PHLPP1: variants seen among roughly 807,000 people sequenced by gnomAD.
The protein encoded by PHLPP1 is PH domain leucine-rich repeat-containing protein phosphatase 1.
In PHLPP1, 42 loss-of-function variants were observed where a neutral mutation model predicts 117.2. The observed-to-expected ratio is 0.36, with a 90% confidence interval of 0.28 to 0.46. The LOEUF (loss-of-function observed/expected upper bound fraction) is 0.46. PHLPP1 is among the 20% of genes least tolerant of loss of function. The pLI, the probability that PHLPP1 is intolerant of heterozygous loss-of-function variation, is 1.00. For synonymous variants in PHLPP1, 1,042 were observed against 970.7 expected (o/e 1.07, Z -1.37); for missense variants, 2,084 against 2,241.9 (o/e 0.93, Z 1.42).
chr18:62,936,460 T>G (rs1471175152), intron 10 of PHLPP1, among the ~76,000 whole-genome samples: 1 of 152,212 alleles, frequency 6.6e-6, no homozygotes, highest in Non-Finnish European at 1.5e-5. Context: ...GGCAAAAGTA[T>G]GAGAAACAGA....
chr18:62,717,928 T>G (rs893841019), intron 1 of PHLPP1, among the ~76,000 whole-genome samples: 4 of 152,270 alleles, frequency 2.6e-5, no homozygotes, highest in African/African-American at 4.8e-5. Flanking sequence ...TTCTCTCATT[T>G]TCTTCCAGCC....
At chr18:62,855,616 T>C (rs1475790168) in intron 3 of PHLPP1, among the ~76,000 whole-genome samples, 1 of 152,212 alleles carries the variant, frequency 6.6e-6, no homozygotes, top group Non-Finnish European at 1.5e-5. Context: ...ACATTCCTAG[T>C]TCTACATAGC....
At position 62,979,111 on chromosome 18, in the gene PHLPP1, T is replaced by G. The variant is rs775312104; in HGVS notation, c.4834T>G (p.Phe1612Val). Reference protein sequence around the residue: ...DEPGLPRKADFSAVGTIGRRR... With the variant: ...DEPGLPRKADVSAVGTIGRRR... ...GCCAGGTCTGCCCAGGAAGGCAGAC[T>G]TCTCTGCCGTTGGGACCATTGGGCG... The change falls in exon 17 of 17, where the codon TTC becomes GTC. Residue 1612 changes from phenylalanine to valine, a missense_variant. Phe to Val is a conservative substitution (Grantham distance 50, BLOSUM62 -1). Transcript: ENST00000262719. 2 of 1,613,750 alleles carry G rather than the reference T, an allele frequency of 1.2e-6. No homozygotes were observed. Among genetic ancestry groups the G allele is most frequent in the Non-Finnish European group, 8.5e-7 (1 of 1,179,788 alleles).
chr18:62,775,464 C>T (rs879906030), intron 1 of PHLPP1, among the ~76,000 whole-genome samples: 7 of 152,170 alleles, frequency 4.6e-5, no homozygotes, highest in Non-Finnish European at 7.3e-5. Flanking sequence ...CCTAGCCATT[C>T]TTATTACTTT....
At chr18:62,823,668 AG>A (rs1453977189) in intron 1 of PHLPP1, among the ~76,000 whole-genome samples, 1 of 151,460 alleles carries the variant, frequency 6.6e-6, no homozygotes, top group African/African-American at 2.4e-5. Flanking sequence ...ATTTATGTTA[AG>A]AATATGTAAA....
At chr18:62,814,754 A>G (rs896409993) in intron 1 of PHLPP1, among the ~76,000 whole-genome samples, 1 of 152,144 alleles carries the variant, frequency 6.6e-6, no homozygotes, top group Non-Finnish European at 1.5e-5. Flanking sequence ...TGATTGCTTA[A>G]TGTGTTGTTC....
intron 13 of PHLPP1, among the ~76,000 whole-genome samples, chr18:62,961,752 A>AT (rs1402301488): frequency 6.6e-6 from 1 of 152,210 alleles, no homozygotes; most frequent in Non-Finnish European, 1.5e-5. Flanking sequence ...CTCCAGCCTT[A>AT]TTGTAAAACA....
chr18:62,716,452 G>GCCT lies in PHLPP1; in HGVS notation c.771_772insTCC (p.Ala257_Arg258insSer). Reference sequence around the variant, plus strand: ...GGGCCAGGGGCCCGGAGCCGCCGCCGCCCGGGAGCCCGCTGAACCGCCCCC... The same window carrying GCCT: ...GGGCCAGGGGCCCGGAGCCGCCGCCGCCTCCCGGGAGCCCGCTGAACCGCCCCC... On this transcript the variant is annotated inframe_insertion, in exon 1 of 17. Coordinates refer to ENST00000262719, the MANE Select transcript of PHLPP1 (RefSeq NM_194449.4). The surrounding 1 kb of genome is among the most constrained non-coding windows in gnomAD (Gnocchi z 5.7). The GCCT allele has an allele frequency of 7.7e-7, 1 of 1,299,136 alleles. No individual in the cohort carries two copies. The highest frequency in any genetic ancestry group is 3.1e-5 in the East Asian group (1 of 31,964). 80.5% of individuals were successfully genotyped at this position (1,299,136 alleles called of 1,614,324 possible).
At chr18:62,870,921 A>G (rs1915886039) in intron 4 of PHLPP1, among the ~76,000 whole-genome samples, 1 of 152,218 alleles carries the variant, frequency 6.6e-6, no homozygotes, top group Non-Finnish European at 1.5e-5. Context: ...TTCAAAATAT[A>G]GAGGAGAGGC....
At chr18:62,722,766 A>ATC (rs1471090729) in intron 1 of PHLPP1, among the ~76,000 whole-genome samples, 1 of 152,244 alleles carries the variant, frequency 6.6e-6, no homozygotes, top group Non-Finnish European at 1.5e-5. Flanking sequence ...CCAGAAACTT[A>ATC]TGATAAATTG....
intron 2 of PHLPP1, among the ~76,000 whole-genome samples, chr18:62,833,642 A>C (rs756946985): frequency 1.8e-4 from 27 of 152,160 alleles, no homozygotes; most frequent in Non-Finnish European, 4.0e-4. Context: ...AAAAGTGATA[A>C]ATTGCTGTGG....
intron 1 of PHLPP1, among the ~76,000 whole-genome samples, chr18:62,721,685 G>A (rs1910924842): frequency 6.6e-6 from 1 of 152,076 alleles, no homozygotes; most frequent in African/African-American, 2.4e-5. Context: ...AAATTCGTGT[G>A]TCTTTTGTAC....
intron 14 of PHLPP1, among the ~76,000 whole-genome samples, chr18:62,970,678 C>T (rs1911025559): frequency 6.6e-6 from 1 of 152,004 alleles, no homozygotes; most frequent in Admixed American, 6.6e-5. Flanking sequence ...GGGAGGAGAA[C>T]CACTTGAACC....
chr18:62,749,688 C>G (rs1009170024), intron 1 of PHLPP1, among the ~76,000 whole-genome samples: 3 of 152,178 alleles, frequency 2.0e-5, no homozygotes, highest in African/African-American at 7.2e-5. Context: ...CTGCACATCT[C>G]TGGTGTCTCT....
intron 4 of PHLPP1, among the ~76,000 whole-genome samples, chr18:62,863,436 C>T (rs894034866): frequency 6.6e-5 from 10 of 152,252 alleles, no homozygotes; most frequent in Non-Finnish European, 1.2e-4. Flanking sequence ...CTCTTGGACT[C>T]AAGTGATCCA....
intron 1 of PHLPP1, among the ~76,000 whole-genome samples, chr18:62,794,195 GA>G (rs772419270): frequency 6.6e-6 from 1 of 151,606 alleles, no homozygotes; most frequent in African/African-American, 2.4e-5. Context: ...TATCCCCCCC[GA>G]AAAAAGTGAT....
At chr18:62,878,318 A>G (rs560740446) in intron 4 of PHLPP1, among the ~76,000 whole-genome samples, 1 of 152,322 alleles carries the variant, frequency 6.6e-6, no homozygotes, top group Non-Finnish European at 1.5e-5. Flanking sequence ...GACTTCTGAA[A>G]TAATTCTTTG....
intron 1 of PHLPP1, among the ~76,000 whole-genome samples, chr18:62,762,131 A>ATCCTGTT (rs1259443238): frequency 6.6e-6 from 1 of 151,936 alleles, no homozygotes; most frequent in African/African-American, 2.4e-5. Flanking sequence ...GCTAAATAGA[A>ATCCTGTT]TCCTGTTTTT....
At chr18:62,778,200 C>T (rs528590791) in intron 1 of PHLPP1, among the ~76,000 whole-genome samples, 2 of 151,986 alleles carry the variant, frequency 1.3e-5, no homozygotes, top group African/African-American at 2.4e-5. Context: ...GATATTCTTC[C>T]CAGCACCTCC....
Sources: gnomAD v4.1 joint callset for allele counts (sites outside exome capture counted in the v4.1 genomes callset) on GRCh38, gnomAD v4.1.1 for gene constraint, Gnocchi (gnomAD v3.1) non-coding constraint, MANE v1.5 for transcripts, NCBI Gene and HGNC (gene_info 2026-07-23, HGNC 2026-07-21) for gene names.